TOX: variants seen among roughly 807,000 people sequenced by gnomAD.
The protein encoded by TOX is thymocyte selection associated high mobility group box.
Under a neutral mutation model 53.7 loss-of-function variants are expected in TOX, and 11 were observed. The observed-to-expected ratio is 0.20, with a 90% CI of 0.13 to 0.34. The LOEUF (loss-of-function observed/expected upper bound fraction) is 0.34, where lower values mean the gene tolerates loss of function less well. Ranked by LOEUF, TOX falls within the 10% of genes least tolerant of loss-of-function variation. The pLI is 1.00. For missense variants in TOX, 570 were observed against 664.6 expected (o/e 0.86, Z 1.56); for synonymous variants, 225 against 245.3 (o/e 0.92, Z 0.77).
chr8:59,024,447 G>A (rs1814199164), intron 1 of TOX, among the ~76,000 whole-genome samples: 1 of 152,180 alleles, frequency 6.6e-6, no homozygotes, highest in African/African-American at 2.4e-5. Flanking sequence ...GCTACTAAGT[G>A]TCAAAGAAAA....
intron 1 of TOX, among the ~76,000 whole-genome samples, chr8:59,087,208 C>G (rs1804527695): frequency 6.6e-6 from 1 of 152,178 alleles, no homozygotes; most frequent in Admixed American, 6.5e-5. Flanking sequence ...TATCTTACAA[C>G]ATACTTTGTG....
chr8:58,811,813 A>C (rs544203471), intron 7 of TOX, among the ~76,000 whole-genome samples: 2 of 152,312 alleles, frequency 1.3e-5, no homozygotes, highest in East Asian at 3.9e-4. Flanking sequence ...AAAACTGGAC[A>C]AAAAAAGCAG....
At chr8:58,815,156 T>C (rs1360241526) in intron 7 of TOX, among the ~76,000 whole-genome samples, 182 bp downstream of exon 7, 3 of 152,238 alleles carry the variant, frequency 2.0e-5, no homozygotes, top group African/African-American at 7.2e-5. Context: ...AACTCACCAC[T>C]TGTAAATTAC....
intron 3 of TOX, among the ~76,000 whole-genome samples, chr8:58,935,037 G>A (rs1047997579): frequency 6.6e-6 from 1 of 152,132 alleles, no homozygotes; most frequent in African/African-American, 2.4e-5. Context: ...AATTGTTGAT[G>A]TCTAATATAT....
At chr8:58,860,281 A>T (rs527883864) in intron 3 of TOX, among the ~76,000 whole-genome samples, 6 of 152,228 alleles carry the variant, frequency 3.9e-5, no homozygotes, top group South Asian at 2.1e-4. Flanking sequence ...ATATTTATTG[A>T]GTGCCTGCTA....
intron 1 of TOX, among the ~76,000 whole-genome samples, chr8:59,059,906 TA>T (rs35899535): frequency 0.44 from 64,469 of 145,770 alleles, 16,282 homozygotes; most frequent in Non-Finnish European, 0.59. Context: ...TGTTATGTTG[TA>T]AAAAAAAAAA....
intron 7 of TOX, among the ~76,000 whole-genome samples, chr8:58,812,071 C>A (rs987468644): frequency 2.0e-5 from 3 of 152,148 alleles, no homozygotes; most frequent in African/African-American, 4.8e-5. Flanking sequence ...CATGAGGAAG[C>A]AAACATCTTC....
intron 1 of TOX, among the ~76,000 whole-genome samples, chr8:59,076,921 G>A (rs907972854): frequency 6.6e-6 from 1 of 152,150 alleles, no homozygotes; most frequent in Non-Finnish European, 1.5e-5. Context: ...ATCAATACTA[G>A]AGTATCATTT....
chr8:59,108,887 A>C (rs1804962248), intron 1 of TOX, among the ~76,000 whole-genome samples: 1 of 152,194 alleles, frequency 6.6e-6, no homozygotes, highest in South Asian at 2.1e-4. Flanking sequence ...ATTTTAATGC[A>C]GATAAGTGCT....
chr8:58,837,862 T>C (rs1810572241), intron 5 of TOX, among the ~76,000 whole-genome samples: 1 of 152,202 alleles, frequency 6.6e-6, no homozygotes, highest in Admixed American at 6.5e-5. Context: ...AACTAAACTA[T>C]ATAAACTTTG....
At chr8:59,069,348 G>C (rs182017304) in intron 1 of TOX, among the ~76,000 whole-genome samples, 1 of 152,242 alleles carries the variant, frequency 6.6e-6, no homozygotes, top group Non-Finnish European at 1.5e-5. Context: ...CCACATTAGA[G>C]ATTACAGTAG....
chr8:59,013,413 C>CTTTTTTTTTTTTTTTTTTTTTTT (rs35734986), intron 1 of TOX, among the ~76,000 whole-genome samples: 1 of 146,344 alleles, frequency 6.8e-6, no homozygotes, highest in Non-Finnish European at 1.5e-5. Flanking sequence ...TCAGATAGGC[C>CTTTTTTTTTTTTTTTTTTTTTTT]TTTTTTTTTT....
chr8:58,838,009 C>G (rs1810575528), intron 5 of TOX, 72 bp downstream of exon 5: 19 of 1,431,898 alleles, frequency 1.3e-5, no homozygotes, highest in Non-Finnish European at 1.7e-5. Context: ...TACCCCAAGC[C>G]CTGGGAGGCC....
At chr8:59,046,673 CA>C (rs1352364773) in intron 1 of TOX, among the ~76,000 whole-genome samples, 1 of 151,860 alleles carries the variant, frequency 6.6e-6, no homozygotes, top group Non-Finnish European at 1.5e-5. Flanking sequence ...GCCTGGCCAA[CA>C]TGGTGAAACT....
At chr8:59,105,745 C>T (rs1484913944) in intron 1 of TOX, among the ~76,000 whole-genome samples, 1 of 152,090 alleles carries the variant, frequency 6.6e-6, no homozygotes, top group Non-Finnish European at 1.5e-5. Flanking sequence ...TTTTTCTCAC[C>T]TATTCAAAAT....
chr8:59,018,684 G>T (rs981004776), intron 1 of TOX, among the ~76,000 whole-genome samples: 1 of 152,050 alleles, frequency 6.6e-6, no homozygotes, highest in Non-Finnish European at 1.5e-5. Flanking sequence ...ACCAACACTG[G>T]CTTGAGGCTT....
At position 58,826,851 on chromosome 8, in the gene TOX, C is replaced by T. The variant is rs377240054; in HGVS notation, c.976G>A (p.Ala326Thr). 5.6e-6 allele frequency: 9 copies of T among 1,611,540 alleles called. No homozygotes were observed. Among genetic ancestry groups the T allele is most frequent in the African/African-American group, 5.4e-5 (4 of 74,732 alleles). Residue 326 changes from alanine (A) to threonine (T), a missense_variant, in exon 6 of 9, where the codon GCA becomes ACA. Coordinates refer to ENST00000361421, the MANE Select transcript of TOX (RefSeq NM_014729.3). ...GATACAAGGCTGGCTCTGTATGCTG[C>T]GAGTTGCTTCAGGTACTCCTTCTTC... ...AAKKEYLKQL[A>T]AYRASLVSKS...
intron 3 of TOX, among the ~76,000 whole-genome samples, chr8:58,895,500 T>C (rs1039477848): frequency 2.0e-5 from 3 of 152,130 alleles, no homozygotes; most frequent in African/African-American, 4.8e-5. Flanking sequence ...AGGAAAAACT[T>C]TGGAGGTCTA....
In TOX at chr8:58,844,746, C is replaced by T. The variant is rs542274477; in HGVS notation, c.694-6435G>A. Among the ~76,000 whole-genome samples the T allele has an allele frequency of 5.3e-5, 8 of 152,196 alleles. No homozygotes were observed. In the South Asian group the frequency reaches 1.0e-3, roughly 20 times the overall value. ...CCCTAAATGTCGCCCTGATTACCCACGCACTGATTTCACCATCAGTTAAAG... is the reference window on the plus strand; with the variant it reads ...CCCTAAATGTCGCCCTGATTACCCATGCACTGATTTCACCATCAGTTAAAG... On this transcript the variant is annotated intron_variant, in intron 4 of 8. Transcript: ENST00000361421.
Sources: allele counts gnomAD v4.1 joint callset (sites outside exome capture counted in the v4.1 genomes callset), GRCh38; gene constraint gnomAD v4.1.1; transcripts MANE v1.5; gene names NCBI Gene and HGNC (gene_info 2026-07-23, HGNC 2026-07-21).